Variants in DAD1 observed in about 807,000 individuals in gnomAD.
DAD1 encodes the protein defender against cell death 1, also known as dolichyl-diphosphooligosaccharide--protein glycosyltransferase subunit DAD1.
In DAD1, 4 loss-of-function variants were observed where a neutral mutation model predicts 9.0. The ratio of observed to expected loss-of-function variants is 0.44; its 90% CI spans 0.22 to 1.01. The LOEUF (loss-of-function observed/expected upper bound fraction) is 1.01, where lower values mean the gene tolerates loss of function less well. Among genes scored for constraint, DAD1 ranks in the 50% least tolerant of loss-of-function variants. The pLI is 0.24. For synonymous variants in DAD1, 60 were observed against 62.5 expected, an observed-to-expected ratio of 0.96 and a Z score of 0.19; for missense variants, 119 against 137.3, an observed-to-expected ratio of 0.87 and a Z score of 0.67.
At position 22,569,293 on chromosome 14, in the gene DAD1, C is replaced by T. The variant is rs553753325; in HGVS notation, c.*45-4156G>A. Among the ~76,000 whole-genome samples the T allele has an allele frequency of 2.6e-4, 39 of 152,104 alleles. No homozygotes were observed. In the South Asian group the frequency reaches 4.6e-3, roughly 18 times the overall value. On this transcript the variant is annotated intron_variant, in intron 2 of 2. Transcript: ENST00000250498. ...CCTAAAAATACAAAAATTAGCCAGGCGTGGGAGCACACACTTGTAGTCCCA... is the reference window on the plus strand; with the variant it reads ...CCTAAAAATACAAAAATTAGCCAGGTGTGGGAGCACACACTTGTAGTCCCA...
chr14:22,574,479 G>C (rs2037063718), intron 2 of DAD1, among the ~76,000 whole-genome samples: 2 of 152,102 alleles, frequency 1.3e-5, no homozygotes, highest in Non-Finnish European at 2.9e-5. Context: ...TTGGGAGAAG[G>C]GAGAAAGAAC....
intron 2 of DAD1, among the ~76,000 whole-genome samples, chr14:22,566,906 TTACCAGACACTATTC>T (rs1707506049): frequency 1.3e-5 from 2 of 152,220 alleles, no homozygotes; most frequent in African/African-American, 4.8e-5. Context: ...GCAGATCTAT[TTACCAGACACTATTC>T]TAAAAGCAGA....
chr14:22,581,198 T>C (rs1312252084), intron 1 of DAD1, among the ~76,000 whole-genome samples: 2 of 152,146 alleles, frequency 1.3e-5, no homozygotes, highest in Non-Finnish European at 2.9e-5. Context: ...TACACTCCTA[T>C]GGAGAGAAAC....
chr14:22,582,014 A>G (rs992055659), intron 1 of DAD1, among the ~76,000 whole-genome samples: 9 of 151,502 alleles, frequency 5.9e-5, no homozygotes, highest in Non-Finnish European at 1.0e-4. Flanking sequence ...CAGCCTGGTC[A>G]AGAAGGTGAA....
chr14:22,576,004 G>A (rs2037075383), intron 1 of DAD1, among the ~76,000 whole-genome samples: 1 of 152,080 alleles, frequency 6.6e-6, no homozygotes, highest in Non-Finnish European at 1.5e-5. Context: ...TCAATTAGAT[G>A]AGGAATATTC....
chr14:22,575,540 CA>C lies in DAD1; in HGVS notation c.212-308del, dbSNP rs11297491. Among the ~76,000 whole-genome samples, 13,991 of 152,126 alleles carry C rather than the reference CA, an allele frequency of 0.092. 1,181 individuals carry two copies. The highest frequency in any genetic ancestry group is 0.22 in the African/African-American group (9,190 of 41,460). On this transcript the variant is annotated intron_variant, in intron 1 of 2. Transcript: ENST00000250498. ...GCACAAGTAAGTTGGGCAACACAAT[CA>C]AAAACTTTATTTTTTGGGGAGTCGG...
At chr14:22,573,264 G>A (rs1452486449) in intron 2 of DAD1, among the ~76,000 whole-genome samples, 2 of 151,526 alleles carry the variant, frequency 1.3e-5, no homozygotes, top group Non-Finnish European at 2.9e-5. Context: ...CGCCCACCTC[G>A]CCTTCCGAAA....
chr14:22,574,992 A>C, intron 2 of DAD1, 67 bp downstream of exon 2: 1 of 1,412,594 alleles, frequency 7.1e-7, no homozygotes, highest in South Asian at 1.4e-5. Context: ...CATGATCAAA[A>C]CCAGTCCCAT....
rs866227821 is a variant in DAD1, at chr14:22,571,857, T to C, written c.*44+3202A>G. Among the ~76,000 whole-genome samples, 63 of 152,246 alleles carry C rather than the reference T, an allele frequency of 4.1e-4. 1 individual carries two copies. The highest frequency in any genetic ancestry group is 1.5e-3 in the African/African-American group (61 of 41,554). On this transcript the variant is annotated intron_variant, in intron 2 of 2. Coordinates refer to ENST00000250498, the MANE Select transcript of DAD1 (RefSeq NM_001344.4). Reference sequence around the variant, plus strand: ...GTTGGCCAGGCTGGTCTCAAACTCCTGACCTCAGGTGATCCACCCACCTCG... The same window carrying C: ...GTTGGCCAGGCTGGTCTCAAACTCCCGACCTCAGGTGATCCACCCACCTCG...
At chr14:22,576,440 C>A (rs1368435724) in intron 1 of DAD1, among the ~76,000 whole-genome samples, 1 of 152,080 alleles carries the variant, frequency 6.6e-6, no homozygotes, top group Non-Finnish European at 1.5e-5. Flanking sequence ...TTACCTTATA[C>A]CATATACTAC....
intron 2 of DAD1, among the ~76,000 whole-genome samples, chr14:22,568,260 G>C (rs1227275528): frequency 6.6e-6 from 1 of 152,200 alleles, no homozygotes; most frequent in Non-Finnish European, 1.5e-5. Context: ...GATCACATGA[G>C]CTGATGTATG....
intron 1 of DAD1, among the ~76,000 whole-genome samples, chr14:22,588,275 C>T (rs567609682): frequency 2.0e-5 from 3 of 152,302 alleles, no homozygotes; most frequent in African/African-American, 7.2e-5. Flanking sequence ...TTCACTGAAT[C>T]CCCGTTGGGC....
chr14:22,573,331 CCAA>C (rs1480823126), intron 2 of DAD1, among the ~76,000 whole-genome samples: 4 of 151,910 alleles, frequency 2.6e-5, no homozygotes, highest in Admixed American at 6.6e-5. Flanking sequence ...GTTTATATTC[CCAA>C]CAACAAGACA....
intron 2 of DAD1, among the ~76,000 whole-genome samples, chr14:22,571,377 T>C (rs904933892): frequency 6.7e-6 from 1 of 149,288 alleles, no homozygotes; most frequent in African/African-American, 2.5e-5. Flanking sequence ...AAAACTAAAG[T>C]ATATACATTT....
chr14:22,577,376 G>A (rs765729229), intron 1 of DAD1, among the ~76,000 whole-genome samples: 1 of 152,216 alleles, frequency 6.6e-6, no homozygotes. Flanking sequence ...GGAGGCTGCA[G>A]TGAGCCGACA....
rs541994606 is a variant in DAD1 at position 22,579,997 on chromosome 14, G to A, written c.212-4764C>T. 4.7e-5 allele frequency among the ~76,000 whole-genome samples: 7 copies of A among 150,018 alleles called. 1 individual carries two copies. The South Asian group carries it at 1.5e-3, about 31-fold the overall frequency. Reference sequence around the variant, plus strand: ...TGAGACAACAGTCATGCACCACCATGCCTAGCTAATTTTTTTGTTTGTTTT... The same window carrying A: ...TGAGACAACAGTCATGCACCACCATACCTAGCTAATTTTTTTGTTTGTTTT... On this transcript the variant is annotated intron_variant, in intron 1 of 2. Transcript: ENST00000250498.
At position 22,577,245 on chromosome 14, in the gene DAD1, C is replaced by T. The variant is rs5742781; in HGVS notation, c.212-2012G>A. Among the ~76,000 whole-genome samples the T allele has an allele frequency of 6.7e-3, 1,015 of 152,216 alleles. 7 individuals are homozygous for T. The highest frequency in any genetic ancestry group is 0.023 in the African/African-American group (946 of 41,518). ...GGTCAGGAGTTCGAGACCAGCCTGGCCAACATGGTGAAACCCCGTCTCTAC... is the reference window on the plus strand; with the variant it reads ...GGTCAGGAGTTCGAGACCAGCCTGGTCAACATGGTGAAACCCCGTCTCTAC... On this transcript the variant is annotated intron_variant, in intron 1 of 2. Coordinates refer to ENST00000250498, the MANE Select transcript of DAD1 (RefSeq NM_001344.4).
At chr14:22,572,762 T>C (rs2037050250) in intron 2 of DAD1, among the ~76,000 whole-genome samples, 1 of 152,212 alleles carries the variant, frequency 6.6e-6, no homozygotes, top group African/African-American at 2.4e-5. Context: ...CTTGAAATGT[T>C]TGCTGTGTCC....
intron 2 of DAD1, among the ~76,000 whole-genome samples, chr14:22,567,546 C>T (rs931717058): frequency 6.6e-6 from 1 of 152,178 alleles, no homozygotes; most frequent in Admixed American, 6.5e-5. Context: ...AAAACTGTAA[C>T]CTGATAGTGT....
Sources: allele counts gnomAD v4.1 joint callset (sites outside exome capture counted in the v4.1 genomes callset), GRCh38; gene constraint gnomAD v4.1.1; transcripts MANE v1.5; gene names NCBI Gene and HGNC (gene_info 2026-07-23, HGNC 2026-07-21).